Variants in INTU observed in about 807,000 individuals in gnomAD.
INTU encodes the protein protein inturned.
Under a neutral mutation model 100.5 loss-of-function variants are expected in INTU, and 68 were observed. The observed-to-expected ratio is 0.68, with a 90% confidence interval of 0.56 to 0.83. The LOEUF (loss-of-function observed/expected upper bound fraction) is 0.83, where lower values mean the gene tolerates loss of function less well. INTU is among the 40% of genes least tolerant of loss of function. The pLI is 0.00. For synonymous variants in INTU, 357 were observed against 395.7 expected (o/e 0.90, Z 1.16); for missense variants, 1,071 against 1,114.7 (o/e 0.96, Z 0.56).
chr4:127,632,972 G>T lies in INTU; in HGVS notation c.-63G>T, dbSNP rs1381822061. The T allele has an allele frequency of 2.6e-6, 4 of 1,532,040 alleles. No individual in the cohort carries two copies. The African/African-American group carries it at 4.1e-5, about 16-fold the overall frequency. The allele number at this position is 1,532,040 out of a possible 1,614,324, so 94.9% of individuals were successfully genotyped here. A position where few individuals can be genotyped will look rare whatever the true frequency, so the allele number is the denominator to read the frequency against. On this transcript the variant is annotated 5_prime_UTR_variant, in exon 1 of 16. Coordinates refer to ENST00000335251, the MANE Select transcript of INTU (RefSeq NM_015693.4). ...CTTCCCAAGCAGAGGCAACATGGCG[G>T]CCTTAGCAAGCTATAGCTGCGAGAT...
chr4:127,657,410 G>T (rs1038563717), intron 3 of INTU, among the ~76,000 whole-genome samples: 1 of 151,906 alleles, frequency 6.6e-6, no homozygotes, highest in Non-Finnish European at 1.5e-5. Flanking sequence ...TTCTCTTTTT[G>T]GGGGGATAGG....
chr4:127,652,924 T>C (rs1445691004), intron 2 of INTU, among the ~76,000 whole-genome samples: 1 of 144,888 alleles, frequency 6.9e-6, no homozygotes, highest in African/African-American at 2.6e-5. Context: ...ATTCAGAGAT[T>C]CAACTTCTTC....
At chr4:127,701,762 T>C (rs1167811966) in intron 9 of INTU, among the ~76,000 whole-genome samples, 3 of 152,108 alleles carry the variant, frequency 2.0e-5, no homozygotes, top group African/African-American at 7.2e-5. Context: ...GCTAAAATTC[T>C]CAGTAATAAA....
rs1560623772 is a variant in INTU at position 127,716,359 on chromosome 4, T to G, written c.2752T>G (p.Tyr918Asp). 1.3e-6 allele frequency: 2 copies of G among 1,586,174 alleles called. No homozygotes were observed. Reference sequence around the variant, plus strand: ...TCTTCATCCAAAACCTCAAGAACTTTATGTCTGTTTTCATGACTCAGTCAC... The same window carrying G: ...TCTTCATCCAAAACCTCAAGAACTTGATGTCTGTTTTCATGACTCAGTCAC... ...LFLHPKPQEL[Y>D]VCFHDSVTEI... Residue 918 changes from tyrosine (Y) to aspartate (D), a missense_variant, in exon 16 of 16, where the codon TAT (tyrosine) becomes GAT (aspartate). By Grantham distance (160) the Tyr-to-Asp change is radical (BLOSUM62 -3). Coordinates refer to ENST00000335251, the MANE Select transcript of INTU (RefSeq NM_015693.4).
chr4:127,682,626 A>T (rs1321119924), intron 6 of INTU, among the ~76,000 whole-genome samples: 1 of 149,858 alleles, frequency 6.7e-6, no homozygotes, highest in East Asian at 2.0e-4. Flanking sequence ...GGATAGCTTT[A>T]GGAGGTATAC....
intron 5 of INTU, among the ~76,000 whole-genome samples, chr4:127,671,963 G>A (rs1311234621): frequency 6.6e-6 from 1 of 152,002 alleles, no homozygotes; most frequent in Non-Finnish European, 1.5e-5. Context: ...TATACACATG[G>A]ACATAGAGTG....
intron 6 of INTU, among the ~76,000 whole-genome samples, chr4:127,679,071 C>T (rs1347232719): frequency 1.3e-5 from 2 of 151,908 alleles, no homozygotes; most frequent in Admixed American, 6.6e-5. Flanking sequence ...AATATATATG[C>T]GCCCAATACA....
intron 4 of INTU, among the ~76,000 whole-genome samples, chr4:127,665,754 A>G (rs1279921627): frequency 6.6e-6 from 1 of 152,164 alleles, no homozygotes; most frequent in African/African-American, 2.4e-5. Flanking sequence ...GAGAGAAGGC[A>G]GGCAGTATCA....
At chr4:127,688,302 T>G (rs1327403408) in intron 8 of INTU, among the ~76,000 whole-genome samples, 1 of 152,142 alleles carries the variant, frequency 6.6e-6, no homozygotes, top group Non-Finnish European at 1.5e-5. Context: ...TACATGAACA[T>G]ATGTGATTAG....
chr4:127,718,124 T>C lies in INTU; in HGVS notation c.*1688T>C, dbSNP rs1731295636. 1 of 152,172 alleles carries C rather than the reference T, an allele frequency of 6.6e-6. No individual in the cohort carries two copies. Among genetic ancestry groups the C allele is most frequent in the Non-Finnish European group, 1.5e-5 (1 of 68,022 alleles). The allele number at this position is 152,172 out of a possible 1,614,324, so 9.4% of individuals were successfully genotyped here. On this transcript the variant is annotated 3_prime_UTR_variant, in exon 16 of 16. Transcript: ENST00000335251. The stretch of plus-strand genomic sequence containing the variant: ...CTAGGGATTTTATAGTTTTGGGCTT[T>C]ACATTTAAGCCTTTATTCTATCTTA...
chr4:127,684,326 A>G, intron 6 of INTU, 83 bp from the exon 7 acceptor site: 1 of 771,892 alleles, frequency 1.3e-6, no homozygotes, highest in Non-Finnish European at 2.2e-6. Context: ...CCGTATGTGT[A>G]AAATTCAAGG....
At chr4:127,698,342 G>T (rs1248042826) in intron 8 of INTU, among the ~76,000 whole-genome samples, 1 of 151,456 alleles carries the variant, frequency 6.6e-6, no homozygotes, top group Non-Finnish European at 1.5e-5. Context: ...GGCGCCTGTA[G>T]TCCCAGCTAC....
chr4:127,636,649 C>T (rs911079119), intron 1 of INTU, among the ~76,000 whole-genome samples: 1 of 151,804 alleles, frequency 6.6e-6, no homozygotes, highest in Admixed American at 6.6e-5. Context: ...CAGCAAAGCC[C>T]TAACACAAAA....
In INTU at chr4:127,669,110, ACT is replaced by A; in HGVS notation, c.1050_1051del (p.Cys351Ter). 3 of 1,549,434 alleles carry A rather than the reference ACT, an allele frequency of 1.9e-6. No homozygotes were observed. Among genetic ancestry groups the A allele is most frequent in the Non-Finnish European group, 2.6e-6 (3 of 1,139,800 alleles). On this transcript the variant is annotated frameshift_variant, in exon 5 of 16. Coordinates refer to ENST00000335251, the MANE Select transcript of INTU (RefSeq NM_015693.4). LOFTEE classifies it high-confidence loss of function. ...AAAGTGTGAGAGGGATTTTTCTCAC[ACT>A]CTGTGACATGCTGGAAAACGTAACT... ...LKSVRGIFLTLCDMLENVTGT... is the reference protein window; with the variant it reads ...LKSVRGIFLTXCDMLENVTGT...
intron 9 of INTU, 103 bp downstream of exon 9, chr4:127,700,166 A>AAATTGAG: frequency 1.0e-6 from 1 of 956,674 alleles, no homozygotes; most frequent in Non-Finnish European, 1.6e-6. Context: ...TAATCTTGAA[A>AAATTGAG]TACACATTAG....
At chr4:127,689,212 G>A (rs1729992051) in intron 8 of INTU, among the ~76,000 whole-genome samples, 1 of 151,752 alleles carries the variant, frequency 6.6e-6, no homozygotes, top group Non-Finnish European at 1.5e-5. Context: ...TCGAACTCCT[G>A]AGCTCAAGCA....
At chr4:127,638,946 T>C (rs1261740610) in intron 1 of INTU, among the ~76,000 whole-genome samples, 2 of 152,312 alleles carry the variant, frequency 1.3e-5, no homozygotes, top group African/African-American at 4.8e-5. Flanking sequence ...TACAAAGATC[T>C]GAATTAAAAC....
intron 8 of INTU, among the ~76,000 whole-genome samples, chr4:127,698,149 G>A (rs1730477290): frequency 6.6e-6 from 1 of 152,034 alleles, no homozygotes; most frequent in Non-Finnish European, 1.5e-5. Flanking sequence ...AAACGTGTGT[G>A]AGGCCGGCCG....
chr4:127,651,144 A>G (rs1405808731), intron 2 of INTU, among the ~76,000 whole-genome samples: 1 of 151,958 alleles, frequency 6.6e-6, no homozygotes, highest in Non-Finnish European at 1.5e-5. Flanking sequence ...GTAGGTTGCA[A>G]AAATTTTCTC....
Sources: allele counts gnomAD v4.1 joint callset (sites outside exome capture counted in the v4.1 genomes callset), GRCh38; gene constraint gnomAD v4.1.1; transcripts MANE v1.5; gene names NCBI Gene and HGNC (gene_info 2026-07-23, HGNC 2026-07-21).